The following ARHGEF3 variants were observed in gnomAD, a reference collection of about 807,000 sequenced individuals.
ARHGEF3 encodes the protein Rho guanine nucleotide exchange factor 3, also known as 59.8 kDA protein.
In ARHGEF3, 28 loss-of-function variants were observed where a neutral mutation model predicts 63.2. That is an observed-to-expected ratio of 0.44 (90% CI 0.33 to 0.61). The LOEUF (loss-of-function observed/expected upper bound fraction) is 0.61. Ranked by LOEUF, ARHGEF3 falls within the 20% of genes least tolerant of loss-of-function variation. The pLI is 0.03. For missense variants in ARHGEF3, 533 were observed against 659.3 expected, an observed-to-expected ratio of 0.81 and a Z score of 2.10; for synonymous variants, 266 against 254.2, an observed-to-expected ratio of 1.05 and a Z score of -0.44.
intron 2 of ARHGEF3, among the ~76,000 whole-genome samples, chr3:57,026,846 T>C (rs962793360): frequency 2.0e-5 from 3 of 152,236 alleles, no homozygotes; most frequent in Non-Finnish European, 4.4e-5. Context: ...AAGCCTTTAT[T>C]GTCTCCTATC....
chr3:56,832,023 T>C (rs1044187416), intron 4 of ARHGEF3, among the ~76,000 whole-genome samples: 15 of 152,304 alleles, frequency 9.8e-5, no homozygotes, highest in African/African-American at 3.4e-4. Flanking sequence ...AATGATGACT[T>C]TGGTCGAGAG....
intron 4 of ARHGEF3, among the ~76,000 whole-genome samples, chr3:56,836,625 G>C (rs2039119658): frequency 6.6e-6 from 1 of 152,000 alleles, no homozygotes; most frequent in African/African-American, 2.4e-5. Context: ...AATCAGACAA[G>C]ATACAAAAAG....
chr3:56,938,175 C>T (rs1237037434), intron 3 of ARHGEF3, among the ~76,000 whole-genome samples: 2 of 152,130 alleles, frequency 1.3e-5, no homozygotes, highest in African/African-American at 4.8e-5. Context: ...CACAAAAAAG[C>T]TGGTCCTGGA....
intron 4 of ARHGEF3, among the ~76,000 whole-genome samples, chr3:56,840,707 T>C (rs1203253545): frequency 6.6e-6 from 1 of 152,162 alleles, no homozygotes; most frequent in Non-Finnish European, 1.5e-5. Context: ...CAAATCTTAT[T>C]CCTGAATGGC....
At chr3:56,813,366 G>A (rs1371003095) in intron 4 of ARHGEF3, among the ~76,000 whole-genome samples, 1 of 152,142 alleles carries the variant, frequency 6.6e-6, no homozygotes, top group East Asian at 1.9e-4. Context: ...GCATGTTAGA[G>A]GTTTTCCACA....
At chr3:56,985,215 A>T (rs761293147) in intron 2 of ARHGEF3, among the ~76,000 whole-genome samples, 1 of 152,150 alleles carries the variant, frequency 6.6e-6, no homozygotes, top group Non-Finnish European at 1.5e-5. Context: ...CAGCCTCCCA[A>T]GTAGCTGGGA....
At chr3:57,041,482 C>G (rs1704184847) in intron 1 of ARHGEF3, among the ~76,000 whole-genome samples, 1 of 152,194 alleles carries the variant, frequency 6.6e-6, no homozygotes, top group African/African-American at 2.4e-5. Flanking sequence ...CAACCCCACC[C>G]TAATGGGGTG....
chr3:57,026,972 C>T (rs28491887), intron 2 of ARHGEF3, among the ~76,000 whole-genome samples: 6,609 of 152,234 alleles, frequency 0.043, 513 homozygotes, highest in African/African-American at 0.15. Context: ...CAAATAACTG[C>T]AGAATGCATT....
At chr3:56,835,826 C>CAGG (rs2039088774) in intron 4 of ARHGEF3, among the ~76,000 whole-genome samples, 1 of 152,150 alleles carries the variant, frequency 6.6e-6, no homozygotes, top group Non-Finnish European at 1.5e-5. Context: ...GGCTGAGTCA[C>CAGG]CCATGGTTCA....
At chr3:56,963,559 T>C (rs995115396) in intron 2 of ARHGEF3, among the ~76,000 whole-genome samples, 2 of 152,232 alleles carry the variant, frequency 1.3e-5, no homozygotes, top group African/African-American at 4.8e-5. Context: ...AAGTTGTATA[T>C]GTTTTAAATA....
intron 2 of ARHGEF3, among the ~76,000 whole-genome samples, chr3:56,761,187 C>T (rs980320734): frequency 6.6e-6 from 1 of 152,176 alleles, no homozygotes; most frequent in Non-Finnish European, 1.5e-5. Context: ...GGGGCAGCAG[C>T]TGGTATGGTC....
intron 2 of ARHGEF3, among the ~76,000 whole-genome samples, chr3:56,959,313 T>C (rs1191850619): frequency 5.3e-5 from 8 of 152,230 alleles, no homozygotes; most frequent in Admixed American, 3.3e-4. Context: ...AAGGGGTACA[T>C]TTGAGCTCCA....
chr3:56,982,224 A>C (rs1477598042), intron 2 of ARHGEF3, among the ~76,000 whole-genome samples: 1 of 151,964 alleles, frequency 6.6e-6, no homozygotes, highest in African/African-American at 2.4e-5. Context: ...CTATCACTAG[A>C]CTTGCCAGTG....
At chr3:56,973,092 C>T (rs915468407) in intron 2 of ARHGEF3, among the ~76,000 whole-genome samples, 2 of 151,764 alleles carry the variant, frequency 1.3e-5, no homozygotes, top group African/African-American at 4.8e-5. Context: ...TTTTGGCTCA[C>T]TATAAGCTCC....
At chr3:57,062,730 C>T (rs898157610) in intron 1 of ARHGEF3, among the ~76,000 whole-genome samples, 1 of 152,076 alleles carries the variant, frequency 6.6e-6, no homozygotes. Context: ...AACAAACATG[C>T]ACACACACAT....
At chr3:57,042,696 A>ATTT (rs1560156436) in intron 1 of ARHGEF3, among the ~76,000 whole-genome samples, 14 of 33,534 alleles carry the variant, frequency 4.2e-4, no homozygotes, top group African/African-American at 1.0e-3. Context: ...ATATATATAT[A>ATTT]TATATTTTTT....
In ARHGEF3 at chr3:56,801,718, C is replaced by G. The variant is rs761120090; in HGVS notation, c.81G>C (p.Pro27=). The change falls in exon 1 of 10, where the codon CCG becomes CCC. Residue 27 remains proline, a synonymous_variant. Transcript: ENST00000296315. The part of the protein sequence containing the change: ...CSLELPPASG[P]AKDAEEPSNK... ...GCGGCCCTACCTCAGCGTCCTTGGC[C>G]GGACCGCTGGCCGGGGGTAGCTCCA... The G allele has an allele frequency of 6.4e-6, 10 of 1,561,866 alleles. No homozygotes were observed. Among genetic ancestry groups the G allele is most frequent in the Admixed American group, 1.9e-5 (1 of 52,440 alleles).
intron 2 of ARHGEF3, among the ~76,000 whole-genome samples, chr3:56,987,283 G>A (rs1428277926): frequency 1.3e-5 from 2 of 152,178 alleles, no homozygotes; most frequent in Non-Finnish European, 2.9e-5. Context: ...GACAGATTCT[G>A]TTAACATCAC....
chr3:57,032,222 T>C (rs1318548502), intron 2 of ARHGEF3, among the ~76,000 whole-genome samples: 2 of 152,172 alleles, frequency 1.3e-5, no homozygotes, highest in African/African-American at 2.4e-5. Context: ...TGGATGGGCA[T>C]GGGTGAGGCT....
Sources: allele counts gnomAD v4.1 joint callset (sites outside exome capture counted in the v4.1 genomes callset), GRCh38; gene constraint gnomAD v4.1.1; transcripts MANE v1.5; gene names NCBI Gene and HGNC (gene_info 2026-07-23, HGNC 2026-07-21).